VPS13A: variants seen among roughly 807,000 people sequenced by gnomAD.
VPS13A encodes vacuolar protein sorting 13 homolog A, also known as intermembrane lipid transfer protein VPS13A.
VPS13A carries 264 observed loss-of-function variants against 390.9 expected under a neutral mutation model. The observed-to-expected ratio is 0.68, with a 90% CI of 0.61 to 0.75. VPS13A has a LOEUF of 0.75. VPS13A is among the 30% of genes least tolerant of loss of function. The probability of loss-of-function intolerance (pLI) is 0.00; values close to 1 mark genes in which losing one functional copy is unlikely to be tolerated. For synonymous variants in VPS13A, 1,231 were observed against 1,227.1 expected (o/e 1.00, Z -0.07); for missense variants, 3,409 against 3,733.9 (o/e 0.91, Z 2.27).
intron 50 of VPS13A, 36 bp downstream of exon 50, chr9:77,340,586 A>T (rs780899882): frequency 2.5e-6 from 4 of 1,610,100 alleles, no homozygotes; most frequent in Non-Finnish European, 3.4e-6. Flanking sequence ...ACCTCTTTGG[A>T]TTCTATTTTC....
At chr9:77,317,752 A>G in intron 40 of VPS13A, 54 bp downstream of exon 40, 2 of 1,351,702 alleles carry the variant, frequency 1.5e-6, no homozygotes, top group Non-Finnish European at 2.0e-6. Context: ...AAAGTAGTAA[A>G]GCCTAGAAAG....
chr9:77,280,198 A>G lies in VPS13A; in HGVS notation c.2864A>G (p.Asp955Gly). The G allele has an allele frequency of 6.2e-7, 1 of 1,612,948 alleles. No homozygotes were observed. Among genetic ancestry groups the G allele is most frequent in the South Asian group, 1.1e-5 (1 of 90,984 alleles). The change falls in exon 27 of 72, where the codon GAT becomes GGT. Residue 955 changes from aspartate to glycine, a missense_variant. By Grantham distance (94) the Asp-to-Gly change is moderately conservative. Around this residue, in one of 5 missense-constraint regions of VPS13A, gnomAD observed 2,717 missense variants for 2,917.4 expected, o/e 0.93. Transcript: ENST00000360280. ...CCAGTTTATTTGGTTACAACCCTGG[A>G]TAACACAATGGAAGACCTGTTAACG... ...KKPVYLVTTL[D>G]NTMEDLLTLE... is the part of the protein sequence containing the mutation.
chr9:77,313,303 A>G (rs1829201016), intron 35 of VPS13A, among the ~76,000 whole-genome samples: 1 of 152,334 alleles, frequency 6.6e-6, no homozygotes, highest in South Asian at 2.1e-4. Context: ...CTGGAGGGAT[A>G]TAAGTGTTCA....
intron 5 of VPS13A, among the ~76,000 whole-genome samples, chr9:77,208,141 G>A (rs1452873113): frequency 6.6e-6 from 1 of 152,036 alleles, no homozygotes; most frequent in African/African-American, 2.4e-5. Context: ...ATTTATAAAA[G>A]AAAAGATTTT....
At chr9:77,261,610 A>G (rs1240930601) in intron 23 of VPS13A, among the ~76,000 whole-genome samples, 1 of 151,376 alleles carries the variant, frequency 6.6e-6, no homozygotes, top group African/African-American at 2.4e-5. Flanking sequence ...TTTGGGACGA[A>G]GTCTCCCTCT....
chr9:77,179,880 A>G (rs1823904229), intron 1 of VPS13A, among the ~76,000 whole-genome samples: 1 of 151,432 alleles, frequency 6.6e-6, no homozygotes, highest in South Asian at 2.1e-4. Context: ...CCTTCTCACT[A>G]CTCCACCTCT....
chr9:77,207,239 ATATATATATATAT>A (rs1564630358), intron 5 of VPS13A, among the ~76,000 whole-genome samples: 5 of 113,580 alleles, frequency 4.4e-5, no homozygotes, highest in African/African-American at 1.3e-4. Flanking sequence ...ATATATATAT[ATATATATATATAT>A]AAAACGTGTT....
In VPS13A at chr9:77,407,520, A is replaced by G. The variant is rs375867178; in HGVS notation, c.9400-13A>G. ...GATTATCTTTTTAATGAATTTACAT[A>G]TTCTGTTTATAGGAACGAGTGAAGT... On this transcript the variant is annotated splice_polypyrimidine_tract_variant and intron_variant, in intron 70 of 71. Transcript: ENST00000360280. 6.2e-7 allele frequency: 1 copy of G among 1,603,514 alleles called. No individual in the cohort carries two copies.
At chr9:77,229,442 T>C (rs951867778) in intron 17 of VPS13A, among the ~76,000 whole-genome samples, 1 of 152,172 alleles carries the variant, frequency 6.6e-6, no homozygotes, top group Non-Finnish European at 1.5e-5. Context: ...AAGTGCCCCC[T>C]TACCCAGCCC....
At chr9:77,341,160 C>G (rs942122648) in intron 50 of VPS13A, among the ~76,000 whole-genome samples, 1 of 151,716 alleles carries the variant, frequency 6.6e-6, no homozygotes, top group African/African-American at 2.4e-5. Flanking sequence ...TTTAGAATTT[C>G]TTTTAGAGCT....
intron 17 of VPS13A, among the ~76,000 whole-genome samples, chr9:77,234,043 T>C (rs1204247322): frequency 2.0e-5 from 3 of 152,212 alleles, no homozygotes; most frequent in Non-Finnish European, 4.4e-5. Context: ...CAAGGTGTGA[T>C]TCATATATTT....
intron 33 of VPS13A, among the ~76,000 whole-genome samples, chr9:77,297,278 T>C (rs911317530): frequency 6.6e-6 from 1 of 152,116 alleles, no homozygotes; most frequent in Non-Finnish European, 1.5e-5. Flanking sequence ...GTGCTATGAA[T>C]TTTAAGTTAC....
intron 61 of VPS13A, among the ~76,000 whole-genome samples, chr9:77,367,138 C>G (rs1258951964): frequency 6.6e-6 from 1 of 151,996 alleles, no homozygotes; most frequent in East Asian, 1.9e-4. Flanking sequence ...ATCTTTCTGG[C>G]TTAGGGAAGG....
chr9:77,315,452 T>G lies in VPS13A; in HGVS notation c.4612T>G (p.Trp1538Gly). 6.2e-7 allele frequency: 1 copy of G among 1,613,930 alleles called. No homozygotes were observed. The highest frequency in any genetic ancestry group is 8.5e-7 in the Non-Finnish European group (1 of 1,179,826). ...GTAVETSVQT[W>G]TAKEEVPTQE... The stretch of plus-strand genomic sequence containing the variant: ...TGCTGTAGAAACCAGTGTGCAAACA[T>G]GGACTGCTAAGGAAGAAGGTTAGTT... The change falls in exon 38 of 72, where the codon TGG becomes GGG. Residue 1538 changes from tryptophan to glycine, a missense_variant. Trp to Gly is a radical substitution (Grantham distance 184). Transcript: ENST00000360280.
intron 20 of VPS13A, among the ~76,000 whole-genome samples, chr9:77,249,337 T>G (rs1825017618): frequency 6.6e-6 from 1 of 152,202 alleles, no homozygotes; most frequent in Non-Finnish European, 1.5e-5. Flanking sequence ...ATTCAGTTGT[T>G]TCAAGGGCAG....
intron 15 of VPS13A, among the ~76,000 whole-genome samples, chr9:77,227,049 A>G (rs1263812734): frequency 1.3e-5 from 2 of 152,186 alleles, no homozygotes; most frequent in Admixed American, 6.5e-5. Flanking sequence ...CTTCAGTTTT[A>G]TCATCTATAA....
At chr9:77,381,846 C>T in intron 67 of VPS13A, 130 bp from the exon 68 acceptor site, 2 of 661,550 alleles carry the variant, frequency 3.0e-6, no homozygotes, top group South Asian at 4.6e-5. Context: ...GTTACAAAAA[C>T]AATTTAAAAT....
At chr9:77,358,916 C>G (rs1053985219) in intron 57 of VPS13A, among the ~76,000 whole-genome samples, 5 of 152,100 alleles carry the variant, frequency 3.3e-5, no homozygotes, top group African/African-American at 9.7e-5. Context: ...TAACTTTCTT[C>G]TCCCCTTGCT....
In VPS13A at chr9:77,276,900, A is replaced by C. The variant is rs79383422; in HGVS notation, c.2824+679A>C. Among the ~76,000 whole-genome samples the C allele has an allele frequency of 1.7e-3, 263 of 152,312 alleles. 3 individuals carry two copies. The East Asian group carries it at 0.034, about 20-fold the overall frequency. On this transcript the variant is annotated intron_variant, in intron 26 of 71. Coordinates refer to ENST00000360280, the MANE Select transcript of VPS13A (RefSeq NM_033305.3). ...GGACACACCTCTATAATTCAGGATA[A>C]TATACCTTTAACCTTAACCTTAATC...
Sources: gnomAD v4.1 joint callset for allele counts (sites outside exome capture counted in the v4.1 genomes callset) on GRCh38, gnomAD v4.1.1 for gene constraint, gnomAD v4.1.1 regional missense constraint, MANE v1.5 for transcripts, NCBI Gene and HGNC (gene_info 2026-07-23, HGNC 2026-07-21) for gene names.